The following PLEKHA5 variants were observed in gnomAD, a reference collection of about 807,000 sequenced individuals.
PLEKHA5 encodes the protein pleckstrin homology domain-containing family A member 5.
PLEKHA5 carries 55 observed loss-of-function variants against 181.9 expected under a neutral mutation model. The ratio of observed to expected loss-of-function variants is 0.30; its 90% CI spans 0.24 to 0.38. The LOEUF (loss-of-function observed/expected upper bound fraction) is 0.38. Ranked by LOEUF, PLEKHA5 falls within the 10% of genes least tolerant of loss-of-function variation. The pLI is 1.00. For missense variants in PLEKHA5, 1,432 were observed against 1,549.5 expected, an observed-to-expected ratio of 0.92 and a Z score of 1.27; for synonymous variants, 535 against 529.4, an observed-to-expected ratio of 1.01 and a Z score of -0.15.
chr12:19,374,287 C>T (rs1470629074), intron 31 of PLEKHA5, among the ~76,000 whole-genome samples: 1 of 151,448 alleles, frequency 6.6e-6, no homozygotes, highest in Non-Finnish European at 1.5e-5. Flanking sequence ...GAAAACAGAG[C>T]TCCCCTAAAA....
At chr12:19,272,112 CT>C (rs1307829449) in intron 10 of PLEKHA5, among the ~76,000 whole-genome samples, 1 of 152,026 alleles carries the variant, frequency 6.6e-6, no homozygotes, top group Non-Finnish European at 1.5e-5. Flanking sequence ...AGTATTTCAC[CT>C]GTTCACGATA....
At chr12:19,320,529 T>A (rs2090373996) in intron 17 of PLEKHA5, 33 bp from the exon 18 acceptor site, 1 of 1,040,088 alleles carries the variant, frequency 9.6e-7, no homozygotes, top group African/African-American at 1.6e-5. Context: ...TAAATAAGAT[T>A]TTTTAAGTTG....
At chr12:19,267,597 T>G (rs1376549860) in intron 8 of PLEKHA5, among the ~76,000 whole-genome samples, 1 of 151,800 alleles carries the variant, frequency 6.6e-6, no homozygotes, top group African/African-American at 2.4e-5. Flanking sequence ...GAGGCGGAGG[T>G]TGCAGTAAGC....
chr12:19,374,452 G>A (rs1187123391), intron 31 of PLEKHA5, among the ~76,000 whole-genome samples: 1 of 151,954 alleles, frequency 6.6e-6, no homozygotes, highest in Non-Finnish European at 1.5e-5. Flanking sequence ...AAGGTCAGGA[G>A]ATCGAGACCA....
intron 15 of PLEKHA5, among the ~76,000 whole-genome samples, chr12:19,294,749 A>C (rs2079316970): frequency 6.6e-6 from 1 of 152,150 alleles, no homozygotes. Flanking sequence ...ATGCTACTGG[A>C]ATGTTTAATA....
At chr12:19,174,662 A>AG (rs1465348411) in intron 3 of PLEKHA5, among the ~76,000 whole-genome samples, 2 of 152,172 alleles carry the variant, frequency 1.3e-5, no homozygotes, top group African/African-American at 4.8e-5. Context: ...GGTGACACCT[A>AG]GGTTATTCAG....
In PLEKHA5 at chr12:19,328,778, G is replaced by A. The variant is rs186256579; in HGVS notation, c.2448+6111G>A. 5.3e-5 allele frequency among the ~76,000 whole-genome samples: 8 copies of A among 152,174 alleles called. No homozygotes were observed. The East Asian group carries it at 7.7e-4, about 15-fold the overall frequency. ...TTTCTAGGTATAGGTCACATTGTCC[G>A]TGAAGAGAGGTAATTTGACTTCTTT... On this transcript the variant is annotated intron_variant, in intron 20 of 31. Coordinates refer to ENST00000429027, the MANE Select transcript of PLEKHA5 (RefSeq NM_001256470.2).
intron 3 of PLEKHA5, among the ~76,000 whole-genome samples, chr12:19,164,787 C>G (rs1221253200): frequency 6.6e-6 from 1 of 152,188 alleles, no homozygotes; most frequent in African/African-American, 2.4e-5. Context: ...TATGTATCAT[C>G]CACAGCCACA....
intron 3 of PLEKHA5, chr12:19,151,609 G>A (rs143648067): frequency 6.6e-6 from 1 of 152,236 alleles, no homozygotes; most frequent in East Asian, 1.9e-4. Flanking sequence ...ATAGTCATTA[G>A]CAGCTTCCAT....
intron 3 of PLEKHA5, among the ~76,000 whole-genome samples, chr12:19,146,542 A>T (rs562740637): frequency 6.6e-6 from 1 of 152,352 alleles, no homozygotes; most frequent in African/African-American, 2.4e-5. Flanking sequence ...GTATTTATTT[A>T]AAAAGTATAT....
In PLEKHA5 at chr12:19,346,981, C is replaced by G. The variant is rs1424365456; in HGVS notation, c.2710-13C>G. 3 of 1,531,016 alleles carry G rather than the reference C, an allele frequency of 2.0e-6. No individual in the cohort carries two copies. Among genetic ancestry groups the G allele is most frequent in the Non-Finnish European group, 2.6e-6 (3 of 1,132,154 alleles). The allele number at this position is 1,531,016 out of a possible 1,614,324, so 94.8% of individuals were successfully genotyped here. On this transcript the variant is annotated splice_polypyrimidine_tract_variant and intron_variant, in intron 23 of 31. Transcript: ENST00000429027. The stretch of plus-strand genomic sequence containing the variant: ...TGCTTATCTAAATAAGGTGACTGTT[C>G]TACAATCTTTAGGAAGAGGAAGTAG...
intron 11 of PLEKHA5, among the ~76,000 whole-genome samples, chr12:19,280,178 T>G (rs1398694757): frequency 1.3e-5 from 2 of 150,478 alleles, no homozygotes; most frequent in Middle Eastern, 3.4e-3. Context: ...ACCTCCCGAG[T>G]AGCTGGGAGT....
intron 15 of PLEKHA5, among the ~76,000 whole-genome samples, chr12:19,313,053 G>A (rs372422006): frequency 2.0e-5 from 3 of 152,214 alleles, no homozygotes; most frequent in South Asian, 2.1e-4. Flanking sequence ...ATAACGGCTG[G>A]TCAGTGAAAC....
intron 20 of PLEKHA5, among the ~76,000 whole-genome samples, chr12:19,324,460 T>C (rs1479177218): frequency 6.6e-6 from 1 of 152,206 alleles, no homozygotes; most frequent in African/African-American, 2.4e-5. Flanking sequence ...GGATGAATGA[T>C]TGAGCTGAAT....
intron 21 of PLEKHA5, among the ~76,000 whole-genome samples, chr12:19,338,819 G>A (rs1565635345): frequency 6.6e-6 from 1 of 151,106 alleles, no homozygotes; most frequent in Non-Finnish European, 1.5e-5. Flanking sequence ...GGGAGGCGGA[G>A]GTTGCAGTGA....
At chr12:19,250,896 TG>T (rs1426969161) in intron 3 of PLEKHA5, among the ~76,000 whole-genome samples, 5 of 151,998 alleles carry the variant, frequency 3.3e-5, no homozygotes, top group African/African-American at 1.2e-4. Context: ...ACGCAGGGCT[TG>T]GGGGGAAAAT....
rs201798546 is a variant in PLEKHA5, at chr12:19,241,809, AT to A, written c.228-12121del. Among the ~76,000 whole-genome samples, 338 of 150,806 alleles carry A rather than the reference AT, an allele frequency of 2.2e-3. 1 individual carries two copies. The highest frequency in any genetic ancestry group is 7.2e-3 in the African/African-American group (295 of 41,222). On this transcript the variant is annotated intron_variant, in intron 3 of 31. Coordinates refer to ENST00000429027, the MANE Select transcript of PLEKHA5 (RefSeq NM_001256470.2). The stretch of plus-strand genomic sequence containing the variant: ...TAAATTGTAAAGATAAATACATACA[AT>A]TTTTTTTTTAAAAAGAGTCTTAGAA...
chr12:19,367,448 T>G (rs1299919138), intron 30 of PLEKHA5, among the ~76,000 whole-genome samples: 1 of 146,896 alleles, frequency 6.8e-6, no homozygotes, highest in African/African-American at 2.5e-5. Context: ...AGAGGCAGGG[T>G]CTCGCCATGT....
intron 10 of PLEKHA5, among the ~76,000 whole-genome samples, chr12:19,273,238 A>G (rs1030466653): frequency 6.6e-6 from 1 of 152,178 alleles, no homozygotes; most frequent in African/African-American, 2.4e-5. Flanking sequence ...AAAGAAGCAC[A>G]TAGTCTATCT....
Sources: gnomAD v4.1 joint callset for allele counts (sites outside exome capture counted in the v4.1 genomes callset) on GRCh38, gnomAD v4.1.1 for gene constraint, MANE v1.5 for transcripts, NCBI Gene and HGNC (gene_info 2026-07-23, HGNC 2026-07-21) for gene names.